The following RNLS variants were observed in gnomAD, a reference collection of about 807,000 sequenced individuals.
RNLS encodes renalase.
Under a neutral mutation model 39.8 loss-of-function variants are expected in RNLS, and 39 were observed. The ratio of observed to expected loss-of-function variants is 0.98; its 90% CI spans 0.76 to 1.28. The LOEUF (loss-of-function observed/expected upper bound fraction) is 1.28, where lower values mean the gene tolerates loss of function less well. RNLS is among the 50% of genes most tolerant of loss of function. The probability of loss-of-function intolerance (pLI) is 0.00; values close to 1 mark genes in which losing one functional copy is unlikely to be tolerated. For synonymous variants in RNLS, 147 were observed against 150.7 expected, an observed-to-expected ratio of 0.98 and a Z score of 0.18; for missense variants, 410 against 413.3, an observed-to-expected ratio of 0.99 and a Z score of 0.07.
the RNLS span, among the ~76,000 whole-genome samples, chr10:88,224,858 T>C: frequency 6.6e-6 from 1 of 152,238 alleles, no homozygotes; most frequent in African/African-American, 2.4e-5. Flanking sequence ...TAGTGTATTA[T>C]ATGCATTGTC....
Position 88,542,408 on chromosome 10 carries a change from T to C in RNLS, c.526+30495A>G, listed in dbSNP as rs755984735. On this transcript the variant is annotated intron_variant, in intron 4 of 6. Coordinates refer to ENST00000331772, the MANE Select transcript of RNLS (RefSeq NM_001031709.3). ...TATACCCTTGTTTGTCTTTGTTTTA[T>C]CTAAAAAGACAACGTGTACATCTTC... 7.2e-5 allele frequency among the ~76,000 whole-genome samples: 11 copies of C among 152,314 alleles called. No individual in the cohort carries two copies. The East Asian group carries it at 1.2e-3, about 16-fold the overall frequency.
chr10:88,550,487 G>A (rs181383694), intron 4 of RNLS, among the ~76,000 whole-genome samples: 5 of 152,296 alleles, frequency 3.3e-5, no homozygotes, highest in Admixed American at 3.3e-4. Context: ...GAAGTACAAA[G>A]TGGTAGAGAT....
At position 88,583,177 on chromosome 10, in the gene RNLS, A is replaced by G. The variant is rs371119532; in HGVS notation, c.14T>C (p.Leu5Pro). The part of the protein sequence containing the change: MAQV[L>P]IVGAGMTGSL... ...TCCTGTCATCCCGGCGCCCACGATC[A>G]GCACCTGCGCCATGGCGAGAGGGAG... Residue 5 changes from leucine (L) to proline (P), a missense_variant, in exon 1 of 7, where the codon CTG becomes CCG. Coordinates refer to ENST00000331772, the MANE Select transcript of RNLS (RefSeq NM_001031709.3). 3.1e-6 allele frequency: 5 copies of G among 1,613,794 alleles called. No homozygotes were observed. Among genetic ancestry groups the G allele is most frequent in the African/African-American group, 1.3e-5 (1 of 74,908 alleles).
At chr10:88,254,743 C>T in the RNLS span, among the ~76,000 whole-genome samples, 1 of 152,202 alleles carries the variant, frequency 6.6e-6, no homozygotes, top group Non-Finnish European at 1.5e-5. Context: ...AACGAGCTAA[C>T]ATAGAGATCC....
the RNLS span, among the ~76,000 whole-genome samples, chr10:88,176,017 A>G: frequency 6.6e-6 from 1 of 152,168 alleles, no homozygotes; most frequent in Non-Finnish European, 1.5e-5. Context: ...TTTTGATATA[A>G]TAGCAATTAC....
At chr10:88,317,416 C>G (rs1845840988) in intron 5 of RNLS, among the ~76,000 whole-genome samples, 1 of 152,196 alleles carries the variant, frequency 6.6e-6, no homozygotes, top group African/African-American at 2.4e-5. Flanking sequence ...CTTGTTTCCA[C>G]CTCTCCACTG....
chr10:88,538,241 A>T (rs1160809091), intron 4 of RNLS, among the ~76,000 whole-genome samples: 1 of 152,200 alleles, frequency 6.6e-6, no homozygotes, highest in Non-Finnish European at 1.5e-5. Context: ...TGGCATGCAC[A>T]TAAGGGAAGA....
At chr10:88,500,906 CTAAA>C (rs749379157) in intron 4 of RNLS, among the ~76,000 whole-genome samples, 2 of 151,826 alleles carry the variant, frequency 1.3e-5, no homozygotes, top group Admixed American at 6.6e-5. Context: ...TTCCCTTATC[CTAAA>C]TAAACAGCCA....
chr10:88,409,647 T>G lies in RNLS; in HGVS notation c.527-46922A>C, dbSNP rs1853534080. ...GAGCCAAATAACTCACTTACTGTGC[T>G]CATAAAATGCCAGTCATTAATCTTC... On this transcript the variant is annotated intron_variant, in intron 4 of 6. Coordinates refer to ENST00000331772, the MANE Select transcript of RNLS (RefSeq NM_001031709.3). Among the ~76,000 whole-genome samples the G allele has an allele frequency of 1.3e-5, 2 of 152,158 alleles. 1 individual carries two copies. Among genetic ancestry groups the G allele is most frequent in the Admixed American group, 1.3e-4 (2 of 15,248 alleles).
At chr10:88,513,334 A>G (rs545418982) in intron 4 of RNLS, among the ~76,000 whole-genome samples, 84 of 152,280 alleles carry the variant, frequency 5.5e-4, no homozygotes, top group African/African-American at 1.9e-3. Flanking sequence ...ATATGGATGC[A>G]CTATCACTAA....
At chr10:88,249,447 G>C in the RNLS span, among the ~76,000 whole-genome samples, 1 of 152,132 alleles carries the variant, frequency 6.6e-6, no homozygotes, top group Non-Finnish European at 1.5e-5. Context: ...AAACTCAGTG[G>C]CTTAAAACAA....
chr10:88,187,198 T>TATATATA, the RNLS span, among the ~76,000 whole-genome samples: 4 of 13,824 alleles, frequency 2.9e-4, no homozygotes, highest in Middle Eastern at 0.031. Flanking sequence ...ATATATATAA[T>TATATATA]ATATATATAA....
chr10:88,565,810 C>T (rs1330988215), intron 4 of RNLS, among the ~76,000 whole-genome samples: 5 of 135,284 alleles, frequency 3.7e-5, no homozygotes, highest in East Asian at 2.2e-4. Flanking sequence ...AGTGCAGTGG[C>T]GTGATCTTGG....
intron 5 of RNLS, among the ~76,000 whole-genome samples, chr10:88,354,235 T>C (rs1481047062): frequency 6.6e-6 from 1 of 152,194 alleles, no homozygotes; most frequent in Non-Finnish European, 1.5e-5. Flanking sequence ...AATATTGTTA[T>C]GTATGAATTT....
At chr10:88,497,669 T>G (rs1025625365) in intron 4 of RNLS, among the ~76,000 whole-genome samples, 4 of 152,038 alleles carry the variant, frequency 2.6e-5, no homozygotes, top group African/African-American at 9.7e-5. Context: ...AAGATTTTTG[T>G]TTAAAACCAG....
Position 88,284,323 on chromosome 10 carries a change from T to C in RNLS, c.*1031A>G, listed in dbSNP as rs1843131281. On this transcript the variant is annotated 3_prime_UTR_variant, in exon 7 of 7. Coordinates refer to ENST00000331772, the MANE Select transcript of RNLS (RefSeq NM_001031709.3). ...GTTTGAGAGGCTGCAATGATTTTTC[T>C]CCTTTCAAAATGCTGAAATAGAACT... 1 of 985,228 alleles carries C rather than the reference T, an allele frequency of 1.0e-6. No homozygotes were observed. The highest frequency in any genetic ancestry group is 1.7e-5 in the African/African-American group (1 of 57,222). The allele number at this position is 985,228 out of a possible 1,614,324, so 61.0% of individuals were successfully genotyped here. A position where few individuals can be genotyped will look rare whatever the true frequency, so the allele number is the denominator to read the frequency against.
At chr10:88,282,068 CA>C (rs1213051815), downstream of RNLS, among the ~76,000 whole-genome samples, 3 of 152,120 alleles carry the variant, frequency 2.0e-5, no homozygotes, top group East Asian at 5.8e-4. Context: ...CTATTTCTCA[CA>C]GCAAGTACCC....
the RNLS span, among the ~76,000 whole-genome samples, chr10:88,234,433 A>T: frequency 6.6e-6 from 1 of 152,084 alleles, no homozygotes; most frequent in Non-Finnish European, 1.5e-5. Context: ...GAGCCTTTTC[A>T]AAAGGGAAGA....
intron 5 of RNLS, among the ~76,000 whole-genome samples, chr10:88,355,856 C>G (rs1464317496): frequency 6.6e-6 from 1 of 152,200 alleles, no homozygotes; most frequent in African/African-American, 2.4e-5. Context: ...GCGGTGGGCT[C>G]CACCCAGTTC....
Sources: allele counts gnomAD v4.1 joint callset (sites outside exome capture counted in the v4.1 genomes callset), GRCh38; gene constraint gnomAD v4.1.1; transcripts MANE v1.5; gene names NCBI Gene and HGNC (gene_info 2026-07-23, HGNC 2026-07-21).